The following NRG1 variants were observed in gnomAD, a reference collection of about 807,000 sequenced individuals.
NRG1 encodes the protein neuregulin 1, also known as pro-neuregulin-1, membrane-bound isoform.
A neutral mutation model predicts 63.8 loss-of-function variants in NRG1; 18 were observed. That is an observed-to-expected ratio of 0.28 (90% CI 0.19 to 0.42). The LOEUF (loss-of-function observed/expected upper bound fraction) is 0.42. Ranked by LOEUF, NRG1 falls within the 10% of genes least tolerant of loss-of-function variation. The probability of loss-of-function intolerance (pLI) is 1.00; values close to 1 mark genes in which losing one functional copy is unlikely to be tolerated. For missense variants in NRG1, 762 were observed against 814.7 expected (o/e 0.94, Z 0.79); for synonymous variants, 302 against 301.3 (o/e 1.00, Z -0.02).
intron 7 of NRG1, among the ~76,000 whole-genome samples, chr8:32,752,929 T>C (rs1829012719): frequency 6.6e-6 from 1 of 152,192 alleles, no homozygotes; most frequent in Non-Finnish European, 1.5e-5. Context: ...TTGTAGGAAA[T>C]GTTTTGTTTC....
intron 1 of NRG1, among the ~76,000 whole-genome samples, chr8:32,591,581 A>G (rs1206948414): frequency 6.6e-6 from 1 of 152,150 alleles, no homozygotes; most frequent in African/African-American, 2.4e-5. Context: ...GGGGCCCTGA[A>G]GTCACGATTG....
chr8:31,919,147 A>T (rs1382674632), intron 1 of NRG1, among the ~76,000 whole-genome samples: 2 of 152,022 alleles, frequency 1.3e-5, no homozygotes, highest in Non-Finnish European at 2.9e-5. Context: ...TCCTTTCAAA[A>T]AACCAGGTCC....
intron 1 of NRG1, among the ~76,000 whole-genome samples, chr8:32,538,690 C>A (rs1261281025): frequency 6.6e-6 from 1 of 152,168 alleles, no homozygotes; most frequent in African/African-American, 2.4e-5. Context: ...TTTCAAAACC[C>A]TTCAATGGCA....
At chr8:32,150,296 A>C (rs1331741700) in intron 1 of NRG1, among the ~76,000 whole-genome samples, 1 of 152,238 alleles carries the variant, frequency 6.6e-6, no homozygotes, top group Admixed American at 6.5e-5. Context: ...GAGTCAGTGT[A>C]GCTACAGGGA....
intron 1 of NRG1, among the ~76,000 whole-genome samples, chr8:32,143,331 A>C (rs561271750): frequency 6.6e-6 from 1 of 152,206 alleles, no homozygotes; most frequent in Non-Finnish European, 1.5e-5. Context: ...AATCAAAGTC[A>C]ATTAGAACCA....
At position 31,711,371 on chromosome 8, in the gene NRG1, C is replaced by G. The variant is rs529044771; in HGVS notation, c.37+71940C>G. On this transcript the variant is annotated intron_variant, in intron 1 of 10. Coordinates refer to the NRG1 transcript ENST00000519301. Reference sequence around the variant, plus strand: ...ACTCAAACTTTCTTTTTCTGAGGATCTTGTAGATGGTGCTGTTAATACATG... The same window carrying G: ...ACTCAAACTTTCTTTTTCTGAGGATGTTGTAGATGGTGCTGTTAATACATG... Among the ~76,000 whole-genome samples, 12 of 152,246 alleles carry G rather than the reference C, an allele frequency of 7.9e-5. No homozygotes were observed. The South Asian group carries it at 2.5e-3, about 32-fold the overall frequency.
chr8:32,412,453 C>CATATATATAT (rs368054524), intron 1 of NRG1, among the ~76,000 whole-genome samples: 5 of 76,720 alleles, frequency 6.5e-5, no homozygotes, highest in African/African-American at 2.5e-4. Flanking sequence ...TATATATATA[C>CATATATATAT]ATATATATAT....
rs1447044140 is a variant in NRG1 at position 32,065,838 on chromosome 8, C to T, written c.37+426407C>T. Among the ~76,000 whole-genome samples the T allele has an allele frequency of 3.3e-5, 5 of 152,342 alleles. No individual in the cohort carries two copies. In the East Asian group the frequency reaches 7.7e-4, roughly 24 times the overall value. ...GTGTTCCTATTTCTCCACATCCTCTCTGGCACCTGTTGTTTACTGACTTTT... is the reference window on the plus strand; with the variant it reads ...GTGTTCCTATTTCTCCACATCCTCTTTGGCACCTGTTGTTTACTGACTTTT... On this transcript the variant is annotated intron_variant, in intron 1 of 10. Transcript: ENST00000519301.
intron 1 of NRG1, among the ~76,000 whole-genome samples, chr8:32,281,400 A>G (rs905609120): frequency 2.0e-5 from 3 of 148,292 alleles, no homozygotes; most frequent in African/African-American, 7.5e-5. Context: ...CTGGTCTCGA[A>G]CTCCTGACCT....
intron 1 of NRG1, among the ~76,000 whole-genome samples, chr8:32,048,448 T>C (rs891103160): frequency 0.2 from 288 of 1,412 alleles, 12 homozygotes; most frequent in Admixed American, 0.31. Context: ...TATACATACA[T>C]ATATATATAT....
At chr8:32,617,463 GAC>G (rs953054530) in intron 5 of NRG1, among the ~76,000 whole-genome samples, 9 of 152,202 alleles carry the variant, frequency 5.9e-5, no homozygotes. Context: ...TGTGCTTGTG[GAC>G]TTCTATAACT....
chr8:32,363,927 A>G (rs1036005078), intron 1 of NRG1, among the ~76,000 whole-genome samples: 4 of 152,034 alleles, frequency 2.6e-5, no homozygotes, highest in African/African-American at 9.7e-5. Flanking sequence ...TGAAAATTAT[A>G]TAACTATATA....
intron 5 of NRG1, among the ~76,000 whole-genome samples, chr8:32,679,875 T>A (rs6997794): frequency 0.28 from 41,895 of 152,124 alleles, 6,915 homozygotes; most frequent in African/African-American, 0.47. Context: ...TGTTTATCCC[T>A]GCGAGCTAAT....
intron 1 of NRG1, among the ~76,000 whole-genome samples, chr8:31,857,493 C>G (rs1384553220): frequency 1.3e-5 from 2 of 152,224 alleles, no homozygotes; most frequent in Non-Finnish European, 2.9e-5. Context: ...TGCGCACCCA[C>G]TGACCTGCGC....
intron 1 of NRG1, among the ~76,000 whole-genome samples, chr8:32,557,115 C>G (rs112421052): frequency 6.6e-6 from 1 of 152,122 alleles, no homozygotes; most frequent in Non-Finnish European, 1.5e-5. Context: ...ATGCCATTCT[C>G]CTGCCTCAGC....
At chr8:32,755,605 G>A (rs1285668603) in intron 8 of NRG1, among the ~76,000 whole-genome samples, 1 of 152,068 alleles carries the variant, frequency 6.6e-6, no homozygotes, top group African/African-American at 2.4e-5. Context: ...AAAATCCGCT[G>A]GCAAAATATG....
intron 1 of NRG1, among the ~76,000 whole-genome samples, chr8:31,690,981 A>C (rs1809442211): frequency 6.6e-6 from 1 of 152,202 alleles, no homozygotes; most frequent in Non-Finnish European, 1.5e-5. Context: ...ATAGATGCTG[A>C]GTGAACGAAG....
intron 1 of NRG1, among the ~76,000 whole-genome samples, chr8:32,476,600 T>C (rs1248506794): frequency 2.6e-5 from 4 of 152,174 alleles, no homozygotes; most frequent in Non-Finnish European, 5.9e-5. Flanking sequence ...TTCAATTTGA[T>C]TCCGGAAATT....
chr8:32,615,883 G>GAA (rs11407198), intron 4 of NRG1, among the ~76,000 whole-genome samples: 6 of 151,392 alleles, frequency 4.0e-5, no homozygotes, highest in African/African-American at 7.3e-5. Flanking sequence ...GAGAAAAAAA[G>GAA]AAAAAAAATC....
Sources: allele counts gnomAD v4.1 joint callset (sites outside exome capture counted in the v4.1 genomes callset), GRCh38; gene constraint gnomAD v4.1.1; transcripts MANE v1.5; gene names NCBI Gene and HGNC (gene_info 2026-07-23, HGNC 2026-07-21).